The following GBP6 variants were observed in gnomAD, a reference collection of about 807,000 sequenced individuals.
GBP6 encodes the protein guanylate-binding protein 6.
Under a neutral mutation model 61.5 loss-of-function variants are expected in GBP6, and 54 were observed. The observed-to-expected ratio is 0.88, with a 90% CI of 0.71 to 1.10. The LOEUF is 1.10. Ranked by LOEUF, GBP6 falls within the 50% of genes least tolerant of loss-of-function variation. GBP6 has a pLI of 0.00. For missense variants in GBP6, 748 were observed against 752.8 expected, an observed-to-expected ratio of 0.99 and a Z score of 0.07; for synonymous variants, 255 against 273.7, an observed-to-expected ratio of 0.93 and a Z score of 0.67.
chr1:89,376,771 A>G (rs902493544), intron 3 of GBP6, among the ~76,000 whole-genome samples: 1 of 152,170 alleles, frequency 6.6e-6, no homozygotes, highest in African/African-American at 2.4e-5. Flanking sequence ...AGGTTGAGAC[A>G]GCGGAGGTGG....
chr1:89,373,778 A>G (rs1448334997), intron 3 of GBP6, among the ~76,000 whole-genome samples: 1 of 152,060 alleles, frequency 6.6e-6, no homozygotes, highest in Non-Finnish European at 1.5e-5. Context: ...ACAAACCTGC[A>G]TGTTGTGCAC....
chr1:89,384,716 C>T (rs1281072486), intron 10 of GBP6, among the ~76,000 whole-genome samples: 1 of 152,164 alleles, frequency 6.6e-6, no homozygotes, highest in Non-Finnish European at 1.5e-5. Context: ...ACATACAACT[C>T]TTAGAAATTT....
rs149590562 is a variant in GBP6, at chr1:89,378,150, G to C, written c.366G>C (p.Leu122=). ...DSWIFALAVL[L]CSTFVYNSMS... Reference sequence around the variant, plus strand: ...GGATCTTTGCCCTGGCTGTGCTCCTGTGCAGCACCTTTGTCTACAACAGCA... The same window carrying C: ...GGATCTTTGCCCTGGCTGTGCTCCTCTGCAGCACCTTTGTCTACAACAGCA... Residue 122 remains leucine (L), a synonymous_variant, in exon 4 of 11, where the codon CTG becomes CTC. Transcript: ENST00000370456. The C allele has an allele frequency of 6.2e-7, 1 of 1,613,012 alleles. No homozygotes were observed. Among genetic ancestry groups the C allele is most frequent in the Admixed American group, 1.7e-5 (1 of 59,642 alleles).
intron 4 of GBP6, 28 bp downstream of exon 4, chr1:89,378,240 A>T: frequency 3.1e-6 from 5 of 1,588,012 alleles, no homozygotes; most frequent in Non-Finnish European, 4.3e-6. Flanking sequence ...GAACAGAACC[A>T]CCAGGTTTCA....
rs138055661 is a variant in GBP6, at chr1:89,375,054, G to A, written c.319-3049G>A. 3.9e-5 allele frequency among the ~76,000 whole-genome samples: 6 copies of A among 152,214 alleles called. No homozygotes were observed. The East Asian group carries it at 9.6e-4, about 24-fold the overall frequency. On this transcript the variant is annotated intron_variant, in intron 3 of 10. Transcript: ENST00000370456. ...TTCTGTTCCTGCATTAGTTTGCTAA[G>A]GATAATGCCCTCCAGGCCCATCCAT... is the stretch of plus-strand genomic sequence containing the variant.
intron 3 of GBP6, among the ~76,000 whole-genome samples, chr1:89,371,843 G>T (rs1025730170): frequency 3.3e-5 from 5 of 152,082 alleles, no homozygotes; most frequent in Admixed American, 6.5e-5. Flanking sequence ...GAAATAAAGG[G>T]TATTCAATTA....
At chr1:89,365,182 C>T (rs1652436914) in intron 1 of GBP6, among the ~76,000 whole-genome samples, 1 of 152,166 alleles carries the variant, frequency 6.6e-6, no homozygotes, top group Non-Finnish European at 1.5e-5. Context: ...TTCTTATGTA[C>T]ATCAGAGTGT....
chr1:89,384,060 T>C (rs904028100), intron 9 of GBP6, 33 bp from the exon 10 acceptor site: 4 of 1,553,618 alleles, frequency 2.6e-6, no homozygotes, highest in Non-Finnish European at 3.5e-6. Flanking sequence ...TCACCTATTA[T>C]TTTCTTCTCT....
intron 7 of GBP6, among the ~76,000 whole-genome samples, 176 bp downstream of exon 7, chr1:89,382,150 T>A (rs1195172082): frequency 2.0e-5 from 3 of 152,172 alleles, no homozygotes; most frequent in Non-Finnish European, 4.4e-5. Flanking sequence ...AATCTTCTGA[T>A]AACTGAGGTA....
chr1:89,387,796 G>A lies in GBP6; in HGVS notation c.*2327G>A, dbSNP rs1020525475. Among the ~76,000 whole-genome samples, 1 of 152,196 alleles carries A rather than the reference G, an allele frequency of 6.6e-6. No individual in the cohort carries two copies. The highest frequency in any genetic ancestry group is 2.4e-5 in the African/African-American group (1 of 41,444). ...AAAAATACAAAAATTAACCAAGTGT[G>A]GTGGCACACGCCTGTCATGCCAGCT... On this transcript the variant is annotated 3_prime_UTR_variant, in exon 11 of 11. Coordinates refer to ENST00000370456, the MANE Select transcript of GBP6 (RefSeq NM_198460.3).
chr1:89,364,821 T>G (rs1033589045), intron 1 of GBP6, among the ~76,000 whole-genome samples: 1 of 151,390 alleles, frequency 6.6e-6, no homozygotes, highest in Non-Finnish European at 1.5e-5. Context: ...AGACACTATG[T>G]TTAAAATAAA....
chr1:89,380,638 C>A lies in GBP6; in HGVS notation c.871+7C>A. ...ATCACAGTCACTGGGAATCGTGAGT[C>A]TCCTTTTTACTTTTCTGTGGGGCCT... On this transcript the variant is annotated splice_region_variant and intron_variant, in intron 6 of 10. Coordinates refer to ENST00000370456, the MANE Select transcript of GBP6 (RefSeq NM_198460.3). 6.2e-7 allele frequency: 1 copy of A among 1,611,034 alleles called. No individual in the cohort carries two copies. The highest frequency in any genetic ancestry group is 1.1e-5 in the South Asian group (1 of 90,716).
At chr1:89,368,110 C>A (rs545892104) in intron 1 of GBP6, among the ~76,000 whole-genome samples, 57 of 152,098 alleles carry the variant, frequency 3.7e-4, no homozygotes, top group Admixed American at 1.2e-3. Context: ...ATCAATTGTC[C>A]AGGTTTGTAA....
chr1:89,365,000 C>T (rs1376007902), intron 1 of GBP6, among the ~76,000 whole-genome samples: 3 of 145,812 alleles, frequency 2.1e-5, no homozygotes, highest in Non-Finnish European at 4.5e-5. Flanking sequence ...CCCCCACCCC[C>T]AGCGCCAACC....
At chr1:89,370,455 G>C (rs1012752448) in intron 3 of GBP6, among the ~76,000 whole-genome samples, 1 of 152,124 alleles carries the variant, frequency 6.6e-6, no homozygotes, top group Non-Finnish European at 1.5e-5. Context: ...AGACATTTCT[G>C]ATTGTGCTCA....
intron 1 of GBP6, among the ~76,000 whole-genome samples, chr1:89,368,101 T>A (rs922451389): frequency 2.0e-5 from 3 of 152,202 alleles, no homozygotes; most frequent in African/African-American, 7.2e-5. Context: ...GCTATTTTAA[T>A]CAATTGTCCA....
In GBP6 at chr1:89,373,505, G is replaced by T. The variant is rs1407318511; in HGVS notation, c.318+3832G>T. Among the ~76,000 whole-genome samples the T allele has an allele frequency of 2.0e-5, 3 of 152,174 alleles. No individual in the cohort carries two copies. In the East Asian group the frequency reaches 5.8e-4, roughly 29 times the overall value. ...CAGCCATAAAAAATGATGAGTTCAT[G>T]TCCTTTGTAGGCACATGGATGAAGC... On this transcript the variant is annotated intron_variant, in intron 3 of 10. Coordinates refer to ENST00000370456, the MANE Select transcript of GBP6 (RefSeq NM_198460.3).
At chr1:89,365,418 C>T (rs1652443644) in intron 1 of GBP6, among the ~76,000 whole-genome samples, 1 of 152,196 alleles carries the variant, frequency 6.6e-6, no homozygotes, top group Non-Finnish European at 1.5e-5. Flanking sequence ...CATTACAATG[C>T]ATTTCACTGT....
In GBP6 at chr1:89,383,751, G is replaced by A. The variant is rs750615172; in HGVS notation, c.1465G>A (p.Ala489Thr). 6.2e-7 allele frequency: 1 copy of A among 1,603,210 alleles called. No individual in the cohort carries two copies. Among genetic ancestry groups the A allele is most frequent in the Admixed American group, 1.7e-5 (1 of 58,324 alleles). ...CCTCACTGATAGAGAGAAGGCAGTA[G>A]CAGGTATGGGGCAGGGCTCAGCTTA... ...KALTDREKAV[A>T]VDRAKKEAAE... Residue 489 changes from alanine to threonine, a missense_variant, in exon 9 of 11, where the codon GCA becomes ACA. Coordinates refer to ENST00000370456, the MANE Select transcript of GBP6 (RefSeq NM_198460.3).
Sources: gnomAD v4.1 joint callset for allele counts (sites outside exome capture counted in the v4.1 genomes callset) on GRCh38, gnomAD v4.1.1 for gene constraint, MANE v1.5 for transcripts, NCBI Gene and HGNC (gene_info 2026-07-23, HGNC 2026-07-21) for gene names.